Variants in ERCC6 observed in about 807,000 individuals in gnomAD.
ERCC6 encodes the protein ERCC excision repair 6, chromatin remodeling factor.
A neutral mutation model predicts 158.7 loss-of-function variants in ERCC6; 116 were observed. That is an observed-to-expected ratio of 0.73 (90% confidence interval 0.63 to 0.85). The LOEUF is 0.85. Among genes scored for constraint, ERCC6 ranks in the 40% least tolerant of loss-of-function variants. ERCC6 has a pLI of 0.00. For missense variants in ERCC6, 1,698 were observed against 1,799.4 expected (o/e 0.94, Z 1.02); for synonymous variants, 678 against 659.3 (o/e 1.03, Z -0.43).
At chr10:49,534,951 C>T (rs1251628505) in intron 1 of ERCC6, among the ~76,000 whole-genome samples, 1 of 152,192 alleles carries the variant, frequency 6.6e-6, no homozygotes, top group Non-Finnish European at 1.5e-5. Context: ...AACAACAGAG[C>T]AGGGCAGGTC....
At position 49,461,424 on chromosome 10, in the gene ERCC6, C is replaced by G; in HGVS notation, c.3911G>C (p.Cys1304Ser). ...GGGAACACCAGACACTGCTCCCAGA[C>G]ACCGCTGACGAGAGAGCCTCAGTGC... ...LKALRLSRQR[C>S]LGAVSGVPTW... The change falls in exon 19 of 21, where the codon TGT becomes TCT. Residue 1304 changes from cysteine (C) to serine (S), a missense_variant. Transcript: ENST00000355832. The G allele has an allele frequency of 1.2e-6, 2 of 1,614,208 alleles. No homozygotes were observed. Among genetic ancestry groups the G allele is most frequent in the Non-Finnish European group, 1.7e-6 (2 of 1,180,044 alleles).
chr10:49,500,571 T>G lies in ERCC6; in HGVS notation c.1652A>C (p.Tyr551Ser). The change falls in exon 7 of 21, where the codon TAC becomes TCC. Residue 551 changes from tyrosine (Y) to serine (S), a missense_variant. By Grantham distance (144) the Tyr-to-Ser change is moderately radical. Coordinates refer to ENST00000355832, the MANE Select transcript of ERCC6 (RefSeq NM_000124.4). ...QIIAFLAGLS[Y>S]SKIRTRGSNY... ...TGAACCACGAGTCCTGATCTTGCTG[T>G]AGCTCAGACCTGCCAAGAAGGCAAT... The G allele has an allele frequency of 6.2e-7, 1 of 1,613,980 alleles. No homozygotes were observed. The highest frequency in any genetic ancestry group is 8.5e-7 in the Non-Finnish European group (1 of 1,179,882).
Position 49,528,515 on chromosome 10 carries a change from A to G in ERCC6, c.554T>C (p.Leu185Pro). The change falls in exon 4 of 21, where the codon CTA becomes CCA. Residue 185 changes from leucine (L) to proline (P), a missense_variant. Coordinates refer to ENST00000355832, the MANE Select transcript of ERCC6 (RefSeq NM_000124.4). ...KRQKYNKEQQ[L>P]KKITAKQKHL... ...CTTTTGTTTTGCAGTGATCTTTTTT[A>G]GCTGTTGTTCCTTGAATGGTAAATA... 1 of 1,614,170 alleles carries G rather than the reference A, an allele frequency of 6.2e-7. No individual in the cohort carries two copies. Among genetic ancestry groups the G allele is most frequent in the South Asian group, 1.1e-5 (1 of 91,080 alleles).
At chr10:49,497,931 C>T (rs1283924881) in intron 7 of ERCC6, among the ~76,000 whole-genome samples, 2 of 152,082 alleles carry the variant, frequency 1.3e-5, no homozygotes, top group African/African-American at 2.4e-5. Context: ...TTATTAAATT[C>T]AATAACATTA....
chr10:49,474,775 C>G (rs1186343012), intron 12 of ERCC6, among the ~76,000 whole-genome samples: 1 of 151,982 alleles, frequency 6.6e-6, no homozygotes, highest in Non-Finnish European at 1.5e-5. Context: ...GAAAAATGCA[C>G]GAATAGGAAT....
At chr10:49,478,814 G>C (rs1455046953) in intron 10 of ERCC6, among the ~76,000 whole-genome samples, 2 of 152,092 alleles carry the variant, frequency 1.3e-5, no homozygotes, top group Non-Finnish European at 2.9e-5. Context: ...CTGGGTTCTT[G>C]ACCACCAGCC....
chr10:49,467,376 C>T (rs374639643), intron 18 of ERCC6, among the ~76,000 whole-genome samples: 3 of 152,182 alleles, frequency 2.0e-5, no homozygotes, highest in African/African-American at 7.2e-5. Flanking sequence ...TCTTTACCAA[C>T]ACTTAGTATG....
At position 49,470,215 on chromosome 10, in the gene ERCC6, C is replaced by T. The variant is rs114234514; in HGVS notation, c.3745G>A (p.Asp1249Asn). 4.0e-4 allele frequency: 638 copies of T among 1,614,126 alleles called. 5 individuals carry two copies. In the African/African-American group the frequency reaches 7.6e-3, roughly 19 times the overall value. The change falls in exon 18 of 21, where the codon GAT becomes AAT. Residue 1249 changes from aspartate to asparagine, a missense_variant. Coordinates refer to ENST00000355832, the MANE Select transcript of ERCC6 (RefSeq NM_000124.4). ...TTGAAAAGCTTTTCCAAAACATAAT[C>T]GTCATTGCTCTGTTCCTTGGCCTCA... ...KSEAKEQSNDDYVLEKLFKKS... is the reference protein window; with the variant it reads ...KSEAKEQSNDNYVLEKLFKKS...
downstream of ERCC6, among the ~76,000 whole-genome samples, chr10:49,453,763 G>A (rs1421326575): frequency 1.6e-5 from 1 of 61,882 alleles, no homozygotes; most frequent in African/African-American, 4.9e-5. Flanking sequence ...AGGATTCTTG[G>A]TTGACAGTTT....
chr10:49,491,967 C>T (rs1485394637), intron 8 of ERCC6, among the ~76,000 whole-genome samples: 1 of 152,208 alleles, frequency 6.6e-6, no homozygotes, highest in Non-Finnish European at 1.5e-5. Flanking sequence ...CTGCTATTAT[C>T]TTCATACTGC....
At chr10:49,497,144 C>T (rs576509154) in intron 7 of ERCC6, among the ~76,000 whole-genome samples, 14 of 152,218 alleles carry the variant, frequency 9.2e-5, no homozygotes, top group Non-Finnish European at 2.1e-4. Context: ...CTAAGCCATG[C>T]TCCTCACCAA....
At chr10:49,465,014 G>C (rs1052157478) in intron 18 of ERCC6, among the ~76,000 whole-genome samples, 1 of 152,204 alleles carries the variant, frequency 6.6e-6, no homozygotes, top group African/African-American at 2.4e-5. Context: ...CGGTCCTCCA[G>C]ACCCCAGAAC....
chr10:49,515,565 C>T (rs1366481027), intron 5 of ERCC6: 4 of 1,613,908 alleles, frequency 2.5e-6, no homozygotes, highest in African/African-American at 1.3e-5. Context: ...TACCACACGT[C>T]GACGAAACTC....
intron 5 of ERCC6, chr10:49,506,480 C>T (rs911243124): frequency 6.0e-6 from 1 of 166,646 alleles, no homozygotes; most frequent in Non-Finnish European, 1.3e-5. Flanking sequence ...GCCCCTTAAA[C>T]ATAAAGCAAA....
At chr10:49,463,671 C>G (rs1850622748) in intron 18 of ERCC6, among the ~76,000 whole-genome samples, 1 of 152,088 alleles carries the variant, frequency 6.6e-6, no homozygotes, top group South Asian at 2.1e-4. Flanking sequence ...TGGGAGGAAC[C>G]CAGTGGGAGG....
chr10:49,490,362 T>TC (rs1163491980), intron 8 of ERCC6, among the ~76,000 whole-genome samples: 1 of 151,106 alleles, frequency 6.6e-6, no homozygotes, highest in Non-Finnish European at 1.5e-5. Context: ...TTTTCCTTTT[T>TC]TTTTTTTTTT....
chr10:49,538,702 A>G (rs1020279927), intron 1 of ERCC6, among the ~76,000 whole-genome samples: 3 of 152,162 alleles, frequency 2.0e-5, no homozygotes, highest in African/African-American at 7.2e-5. Context: ...GGCCTTATAC[A>G]AAGTCGGAGA....
Position 49,484,028 on chromosome 10 carries a change from C to A in ERCC6, c.1822-512G>T, listed in dbSNP as rs1851032130. Among the ~76,000 whole-genome samples, 4 of 151,748 alleles carry A rather than the reference C, an allele frequency of 2.6e-5. No individual in the cohort carries two copies. In the South Asian group the frequency reaches 8.3e-4, roughly 31 times the overall value. ...GTACAGTGGCTCACAACTGTAATCCCAGCACTTTGGGAGGCTGAGGTGGGT... is the reference window on the plus strand; with the variant it reads ...GTACAGTGGCTCACAACTGTAATCCAAGCACTTTGGGAGGCTGAGGTGGGT... On this transcript the variant is annotated intron_variant, in intron 8 of 20. Coordinates refer to ENST00000355832, the MANE Select transcript of ERCC6 (RefSeq NM_000124.4).
intron 5 of ERCC6, among the ~76,000 whole-genome samples, chr10:49,513,905 C>T (rs1393002530): frequency 3.3e-5 from 5 of 151,908 alleles, no homozygotes; most frequent in African/African-American, 1.2e-4. Context: ...AGGAAGCTGT[C>T]CAAGATTACC....
Sources: gnomAD v4.1 joint callset for allele counts (sites outside exome capture counted in the v4.1 genomes callset) on GRCh38, gnomAD v4.1.1 for gene constraint, MANE v1.5 for transcripts, NCBI Gene and HGNC (gene_info 2026-07-23, HGNC 2026-07-21) for gene names.